The following PAH variants were observed in gnomAD, a reference collection of about 807,000 sequenced individuals.
The protein encoded by PAH is phenylalanine-4-hydroxylase.
PAH carries 64 observed loss-of-function variants against 62.0 expected under a neutral mutation model. The ratio of observed to expected loss-of-function variants is 1.03; its 90% CI spans 0.84 to 1.27. PAH has a LOEUF of 1.27. Among genes scored for constraint, PAH ranks in the 50% most tolerant of loss-of-function variants. The pLI is 0.00. For missense variants in PAH, 579 were observed against 542.8 expected, an observed-to-expected ratio of 1.07 and a Z score of -0.66; for synonymous variants, 195 against 196.2, an observed-to-expected ratio of 0.99 and a Z score of 0.05.
intron 4 of PAH, among the ~76,000 whole-genome samples, chr12:102,872,155 A>T (rs1592965748): frequency 6.6e-6 from 1 of 152,000 alleles, no homozygotes; most frequent in Non-Finnish European, 1.5e-5. Context: ...GTTGCAAAAT[A>T]TTCATTTTAT....
chr12:102,867,970 C>CGTGT (rs2136665774), intron 4 of PAH, among the ~76,000 whole-genome samples: 1 of 123,576 alleles, frequency 8.1e-6, no homozygotes, highest in South Asian at 2.7e-4. Flanking sequence ...TGTATATATA[C>CGTGT]ATGTATATAT....
intron 1 of PAH, chr12:102,945,929 T>TA (rs1879476672): frequency 6.6e-6 from 1 of 152,102 alleles, no homozygotes; most frequent in South Asian, 2.1e-4. Context: ...CCAAGGCCCA[T>TA]GGAATATACT....
chr12:102,845,885 T>C (rs1311831407), intron 9 of PAH, among the ~76,000 whole-genome samples: 1 of 152,206 alleles, frequency 6.6e-6, no homozygotes, highest in African/African-American at 2.4e-5. Flanking sequence ...AAAAGTCGCA[T>C]TGGTGATAAG....
At chr12:102,941,760 C>A (rs1879300301) in intron 1 of PAH, among the ~76,000 whole-genome samples, 1 of 151,938 alleles carries the variant, frequency 6.6e-6, no homozygotes, top group African/African-American at 2.4e-5. Context: ...TCCTGGGATG[C>A]AATGTTGATT....
In PAH at chr12:102,851,043, C is replaced by T. The variant is rs183332330; in HGVS notation, c.912+644G>A. Among the ~76,000 whole-genome samples the T allele has an allele frequency of 2.7e-3, 405 of 150,574 alleles. 3 individuals are homozygous for T. The South Asian group carries it at 0.042, about 15-fold the overall frequency. On this transcript the variant is annotated intron_variant, in intron 8 of 12. Coordinates refer to ENST00000553106, the MANE Select transcript of PAH (RefSeq NM_000277.3). ...AGGCTGCAGTGAACCGTGATTATAC[C>T]ACTGCACTCCAGTCCAGCCTGGGTG...
intron 2 of PAH, 50 bp downstream of exon 2, chr12:102,912,741 T>TG: frequency 7.9e-7 from 1 of 1,263,702 alleles, no homozygotes; most frequent in Non-Finnish European, 1.2e-6. Flanking sequence ...GAAAAGAACA[T>TG]GGAAGTTTGC....
intron 1 of PAH, among the ~76,000 whole-genome samples, chr12:102,933,934 AT>A: frequency 6.6e-6 from 1 of 152,094 alleles, no homozygotes; most frequent in Non-Finnish European, 1.5e-5. Flanking sequence ...GTGCAAAAGC[AT>A]TTTTAACTTG....
chr12:102,842,168 G>C (rs550005749), intron 11 of PAH, among the ~76,000 whole-genome samples: 87 of 152,276 alleles, frequency 5.7e-4, no homozygotes, highest in Non-Finnish European at 1.1e-3. Context: ...CTCCAGGAGG[G>C]CCCATCCAAA....
At chr12:102,890,295 C>T (rs868542976) in intron 3 of PAH, among the ~76,000 whole-genome samples, 9 of 152,200 alleles carry the variant, frequency 5.9e-5, no homozygotes, top group East Asian at 1.9e-4. Context: ...GCATTTTGTC[C>T]GGAGAAAGAA....
rs62508637 is a variant in PAH at position 102,846,890 on chromosome 12, C to T, written c.969+5G>A. Reference sequence around the variant, plus strand: ...ACCATCCACCCAGGGAGAGAAGGGACTTACTGTGGCGAGCTTTTCAATGTA... The same window carrying T: ...ACCATCCACCCAGGGAGAGAAGGGATTTACTGTGGCGAGCTTTTCAATGTA... On this transcript the variant is annotated splice_donor_5th_base_variant and intron_variant, in intron 9 of 12. Transcript: ENST00000553106. 1 of 1,612,750 alleles carries T rather than the reference C, an allele frequency of 6.2e-7. No homozygotes were observed. Among genetic ancestry groups the T allele is most frequent in the Non-Finnish European group, 8.5e-7 (1 of 1,178,890 alleles).
Position 102,851,756 on chromosome 12 carries a change from A to G in PAH, c.843T>C (p.Pro281=), listed in dbSNP as rs772249197. 3 of 1,613,778 alleles carry G rather than the reference A, an allele frequency of 1.9e-6. No homozygotes were observed. Among genetic ancestry groups the G allele is most frequent in the African/African-American group, 1.3e-5 (1 of 75,054 alleles). Residue 281 remains proline (P), a splice_region_variant and synonymous_variant, in exon 8 of 13, where the codon CCT becomes CCC. Transcript: ENST00000553106. ...GTCCCAACAGCTCATGGCAGATGTC[A>G]CTGAAAGACAGAAAGCACAGAGAGC... ...HGSKPMYTPE[P]DICHELLGHV...
At chr12:102,844,554 T>A in intron 9 of PAH, 123 bp from the exon 10 acceptor site, 2 of 728,122 alleles carry the variant, frequency 2.7e-6, no homozygotes. Flanking sequence ...TCTATGTCTA[T>A]GAGGGTGTTT....
intron 2 of PAH, among the ~76,000 whole-genome samples, chr12:102,902,321 C>T (rs1055581165): frequency 1.4e-4 from 21 of 152,124 alleles, no homozygotes; most frequent in Non-Finnish European, 4.4e-5. Flanking sequence ...GCCATTTTGG[C>T]CATTACCTGA....
At chr12:102,880,214 C>T (rs547268277) in intron 3 of PAH, among the ~76,000 whole-genome samples, 1 of 152,188 alleles carries the variant, frequency 6.6e-6, no homozygotes, top group Non-Finnish European at 1.5e-5. Context: ...CCCAAGCTCT[C>T]CTTCCTCAGT....
At chr12:102,929,759 T>A (rs1359345658) in intron 1 of PAH, among the ~76,000 whole-genome samples, 4 of 152,044 alleles carry the variant, frequency 2.6e-5, no homozygotes, top group Non-Finnish European at 5.9e-5. Context: ...GAAAATAGGA[T>A]GAATTTGAGA....
intron 1 of PAH, among the ~76,000 whole-genome samples, chr12:102,931,311 A>C (rs542846626): frequency 6.6e-6 from 1 of 152,286 alleles, no homozygotes; most frequent in Non-Finnish European, 1.5e-5. Context: ...AGACAAAATA[A>C]CCTGCTCCCC....
intron 1 of PAH, among the ~76,000 whole-genome samples, chr12:102,932,739 G>A (rs775284604): frequency 7.9e-5 from 12 of 152,092 alleles, no homozygotes; most frequent in African/African-American, 1.2e-4. Context: ...TCACTCTTAC[G>A]GGAACTTCAA....
intron 9 of PAH, among the ~76,000 whole-genome samples, chr12:102,845,974 A>C (rs948546089): frequency 1.3e-5 from 2 of 152,204 alleles, no homozygotes; most frequent in Non-Finnish European, 2.9e-5. Flanking sequence ...GAGAAATTCT[A>C]TCTAGCTCTG....
At chr12:102,928,665 C>T (rs1194098087) in intron 1 of PAH, among the ~76,000 whole-genome samples, 1 of 152,108 alleles carries the variant, frequency 6.6e-6, no homozygotes, top group Non-Finnish European at 1.5e-5. Context: ...TTCTGAGGTA[C>T]ACAGTCCATC....
Sources: allele counts gnomAD v4.1 joint callset (sites outside exome capture counted in the v4.1 genomes callset), GRCh38; gene constraint gnomAD v4.1.1; transcripts MANE v1.5; gene names NCBI Gene and HGNC (gene_info 2026-07-23, HGNC 2026-07-21).